LRRC4C: variants seen among roughly 807,000 people sequenced by gnomAD.
The protein encoded by LRRC4C is leucine rich repeat containing 4C, also known as leucine-rich repeat-containing protein 4C.
In LRRC4C, 5 loss-of-function variants were observed where a neutral mutation model predicts 33.6. The observed-to-expected ratio is 0.15, with a 90% CI of 0.08 to 0.31. LRRC4C has a LOEUF of 0.31. Among genes scored for constraint, LRRC4C ranks in the 10% least tolerant of loss-of-function variants. The probability of loss-of-function intolerance (pLI) is 1.00; values close to 1 mark genes in which losing one functional copy is unlikely to be tolerated. For synonymous variants in LRRC4C, 329 were observed against 302.0 expected (o/e 1.09, Z -0.93); for missense variants, 560 against 796.7 (o/e 0.70, Z 3.58).
intron 4 of LRRC4C, among the ~76,000 whole-genome samples, chr11:40,281,423 A>C (rs187895913): frequency 8.5e-5 from 13 of 152,156 alleles, no homozygotes; most frequent in Admixed American, 2.6e-4. Context: ...CGCCAGGATG[A>C]GCTCTCTCCC....
At chr11:41,407,641 A>T (rs912027158) in intron 1 of LRRC4C, among the ~76,000 whole-genome samples, 1 of 152,144 alleles carries the variant, frequency 6.6e-6, no homozygotes, top group Admixed American at 6.5e-5. Context: ...CACCAAACAT[A>T]TAGAAAACAC....
At chr11:40,276,376 G>C (rs16934667) in intron 4 of LRRC4C, among the ~76,000 whole-genome samples, 12,169 of 152,088 alleles carry the variant, frequency 0.08, 619 homozygotes, top group African/African-American at 0.14. Flanking sequence ...AGCTCCAGTC[G>C]TCTTCCATTT....
At chr11:41,065,170 T>C (rs969461487) in intron 1 of LRRC4C, among the ~76,000 whole-genome samples, 1 of 152,068 alleles carries the variant, frequency 6.6e-6, no homozygotes, top group Non-Finnish European at 1.5e-5. Flanking sequence ...CAATTCCCAC[T>C]GTCAGCGCAG....
Position 40,985,990 on chromosome 11 carries a change from G to A in LRRC4C, c.-495-52267C>T, listed in dbSNP as rs551971416. On this transcript the variant is annotated intron_variant, in intron 1 of 6. Transcript: ENST00000528697. ...ATTTTTATTATAATAATTAATATAC[G>A]TGTAAGCATTTATATACATTTTACA... Among the ~76,000 whole-genome samples, 62 of 151,976 alleles carry A rather than the reference G, an allele frequency of 4.1e-4. 1 individual carries two copies. Among genetic ancestry groups the A allele is most frequent in the Non-Finnish European group, 5.7e-4 (39 of 67,956 alleles).
intron 1 of LRRC4C, among the ~76,000 whole-genome samples, chr11:41,367,393 G>C (rs1044537516): frequency 3.2e-4 from 48 of 152,110 alleles, no homozygotes; most frequent in African/African-American, 1.1e-3. Flanking sequence ...CAAGGCAGAT[G>C]ACTGAGTAAG....
chr11:40,416,078 C>A (rs1950314577), intron 3 of LRRC4C, among the ~76,000 whole-genome samples: 1 of 152,076 alleles, frequency 6.6e-6, no homozygotes, highest in Middle Eastern at 3.2e-3. Flanking sequence ...TAAATAACAA[C>A]AACAGCAACA....
rs1287299416 is a variant in LRRC4C, at chr11:40,544,608, T to C, written c.-270+103534A>G. ...GTATATCTTCAGGGAATCACATTTC[T>C]TCATTACCAAATTAGGGATGTAGAT... On this transcript the variant is annotated intron_variant, in intron 3 of 6. Coordinates refer to ENST00000528697, the MANE Select transcript of LRRC4C (RefSeq NM_001258419.2). 2.4e-4 allele frequency among the ~76,000 whole-genome samples: 36 copies of C among 152,144 alleles called. 1 individual carries two copies. The highest frequency in any genetic ancestry group is 2.2e-3 in the Admixed American group (34 of 15,268).
chr11:41,370,865 A>G (rs1253334521), intron 1 of LRRC4C, among the ~76,000 whole-genome samples: 1 of 152,132 alleles, frequency 6.6e-6, no homozygotes. Context: ...GAAAACAAAC[A>G]CAAATACATT....
chr11:41,186,379 T>C (rs1361794070), intron 1 of LRRC4C, among the ~76,000 whole-genome samples: 1 of 152,122 alleles, frequency 6.6e-6, no homozygotes, highest in Non-Finnish European at 1.5e-5. Flanking sequence ...AGAGAAAAAT[T>C]TTATAACCAT....
intron 1 of LRRC4C, among the ~76,000 whole-genome samples, chr11:41,424,814 G>A (rs749234958): frequency 6.6e-6 from 1 of 152,054 alleles, no homozygotes; most frequent in African/African-American, 2.4e-5. Context: ...TTAGTGTCAT[G>A]CTTCCCCAAG....
chr11:41,013,870 C>A (rs1855390659), intron 1 of LRRC4C, among the ~76,000 whole-genome samples: 1 of 152,180 alleles, frequency 6.6e-6, no homozygotes, highest in South Asian at 2.1e-4. Context: ...GAAGGGGAAG[C>A]AGGCCAGAAC....
chr11:40,992,604 T>C (rs1853662729), intron 1 of LRRC4C, among the ~76,000 whole-genome samples: 1 of 152,128 alleles, frequency 6.6e-6, no homozygotes, highest in South Asian at 2.1e-4. Context: ...AGAAACTTCA[T>C]TACATTTTAA....
In LRRC4C at chr11:41,165,603, T is replaced by C. The variant is rs376567320; in HGVS notation, c.-495-231880A>G. ...GTCAGGTAGCTTCTAAATTCCTCGC[T>C]CTACTATGCAGGTAAGTTTATCATA... is the stretch of plus-strand genomic sequence containing the variant. On this transcript the variant is annotated intron_variant, in intron 1 of 6. Coordinates refer to ENST00000528697, the MANE Select transcript of LRRC4C (RefSeq NM_001258419.2). Among the ~76,000 whole-genome samples the C allele has an allele frequency of 2.0e-4, 31 of 152,284 alleles. 1 individual carries two copies. In the East Asian group the frequency reaches 3.1e-3, roughly 15 times the overall value.
intron 1 of LRRC4C, among the ~76,000 whole-genome samples, chr11:41,082,838 A>C (rs1216334875): frequency 6.6e-6 from 1 of 152,016 alleles, no homozygotes; most frequent in Non-Finnish European, 1.5e-5. Flanking sequence ...TTCTTCCATT[A>C]AGTCTTCCTC....
intron 3 of LRRC4C, among the ~76,000 whole-genome samples, chr11:40,599,369 T>C (rs1197955067): frequency 2.6e-5 from 4 of 152,264 alleles, no homozygotes; most frequent in South Asian, 4.1e-4. Flanking sequence ...CGGGATAGCT[T>C]GAGCCTAGGT....
chr11:40,964,705 C>A (rs538405686), intron 1 of LRRC4C, among the ~76,000 whole-genome samples: 72 of 136,408 alleles, frequency 5.3e-4, no homozygotes, highest in South Asian at 1.4e-3. Context: ...TGAACTCATC[C>A]TTTTTTATGG....
chr11:40,357,294 T>C (rs1947714164), intron 3 of LRRC4C, among the ~76,000 whole-genome samples: 1 of 152,172 alleles, frequency 6.6e-6, no homozygotes. Flanking sequence ...AGTGTGTTTA[T>C]AGCTCTGAGA....
At chr11:40,537,115 T>C (rs1956506092) in intron 3 of LRRC4C, among the ~76,000 whole-genome samples, 1 of 152,212 alleles carries the variant, frequency 6.6e-6, no homozygotes. Context: ...TGAGGAAATA[T>C]ATGACCTTCA....
intron 1 of LRRC4C, among the ~76,000 whole-genome samples, chr11:41,163,284 G>GTTTTTTTTTTGTTTTTT (rs1944557990): frequency 2.7e-5 from 2 of 73,382 alleles, no homozygotes; most frequent in African/African-American, 5.0e-5. Context: ...TACTGTAACT[G>GTTTTTTTTTTGTTTTTT]TTTTTTTTTT....
Sources: allele counts gnomAD v4.1 joint callset (sites outside exome capture counted in the v4.1 genomes callset), GRCh38; gene constraint gnomAD v4.1.1; transcripts MANE v1.5; gene names NCBI Gene and HGNC (gene_info 2026-07-23, HGNC 2026-07-21).